The following SIN3A variants were observed in gnomAD, a reference collection of about 807,000 sequenced individuals.
SIN3A encodes the protein paired amphipathic helix protein Sin3a.
A neutral mutation model predicts 146.1 loss-of-function variants in SIN3A; 14 were observed. That is an observed-to-expected ratio of 0.10 (90% CI 0.06 to 0.15). The LOEUF (loss-of-function observed/expected upper bound fraction) is 0.15, where lower values mean the gene tolerates loss of function less well. Among genes scored for constraint, SIN3A ranks in the 10% least tolerant of loss-of-function variants. The pLI is 1.00. For synonymous variants in SIN3A, 572 were observed against 572.0 expected, an observed-to-expected ratio of 1.00 and a Z score of 0.00; for missense variants, 1,028 against 1,576.0, an observed-to-expected ratio of 0.65 and a Z score of 5.89.
At chr15:75,409,290 G>A (rs974700721) in intron 8 of SIN3A, among the ~76,000 whole-genome samples, 1 of 152,120 alleles carries the variant, frequency 6.6e-6, no homozygotes, top group African/African-American at 2.4e-5. Flanking sequence ...TCATTGCAAA[G>A]GAGAGATAAT....
intron 4 of SIN3A, 27 bp from the exon 5 acceptor site, chr15:75,413,072 T>C (rs754656343): frequency 6.3e-7 from 1 of 1,581,258 alleles, no homozygotes; most frequent in Admixed American, 2.0e-5. Flanking sequence ...AGAAAAGTGA[T>C]AAACTGTAAG....
At chr15:75,414,465 C>A (rs1211394678) in intron 3 of SIN3A, among the ~76,000 whole-genome samples, 154 bp from the exon 4 acceptor site, 2 of 151,690 alleles carry the variant, frequency 1.3e-5, no homozygotes, top group Admixed American at 6.6e-5. Context: ...GTATGGATAC[C>A]AATAATAAAC....
rs758256514 is a variant in SIN3A, at chr15:75,380,716, G to A, written c.3296C>T (p.Ser1099Leu). 6.2e-7 allele frequency: 1 copy of A among 1,613,546 alleles called. No individual in the cohort carries two copies. Among genetic ancestry groups the A allele is most frequent in the South Asian group, 1.1e-5 (1 of 91,048 alleles). The change falls in exon 19 of 21, where the codon TCA becomes TTA. Residue 1099 changes from serine to leucine, a missense_variant. This residue lies in a region of SIN3A where 488 missense variants were observed against 690.2 expected (regional missense o/e 0.71). Transcript: ENST00000394947. ...SDDPVEAERW[S>L]DYVERYMNSD... ...ATTCATGTATCGCTCCACGTAGTCT[G>A]ACCAGCGCTAAGATGGCAAACACAA...
At chr15:75,453,956 G>A (rs1454169672), upstream of SIN3A, 5 of 152,276 alleles carry the variant, frequency 3.3e-5, no homozygotes, top group Non-Finnish European at 7.3e-5. Flanking sequence ...AGGACTTCCG[G>A]GCGGGAGGGC....
rs146635471 is a variant in SIN3A at position 75,423,697 on chromosome 15, A to T, written c.190-874T>A. Among the ~76,000 whole-genome samples the T allele has an allele frequency of 8.3e-3, 1,265 of 151,940 alleles. 28 individuals carry two copies. Among genetic ancestry groups the T allele is most frequent in the African/African-American group, 0.029 (1,186 of 41,436 alleles). On this transcript the variant is annotated intron_variant, in intron 2 of 20. Coordinates refer to ENST00000394947, the MANE Select transcript of SIN3A (RefSeq NM_001145358.2). The stretch of plus-strand genomic sequence containing the variant: ...CATCTCAAAAACAAACAAACAAAAA[A>T]ATATATATATAGTTTAGCTGGGAAC...
intron 13 of SIN3A, 138 bp from the exon 14 acceptor site, chr15:75,395,001 G>T: frequency 1.5e-6 from 1 of 681,128 alleles, no homozygotes; most frequent in Non-Finnish European, 2.4e-6. Context: ...AACTTGGGAT[G>T]CTATCAAACC....
At chr15:75,395,611 T>C (rs2073286793) in intron 13 of SIN3A, among the ~76,000 whole-genome samples, 1 of 152,148 alleles carries the variant, frequency 6.6e-6, no homozygotes, top group Non-Finnish European at 1.5e-5. Flanking sequence ...AATAATGACA[T>C]GGGGCTGGGT....
intron 3 of SIN3A, chr15:75,422,361 G>C: frequency 1.7e-6 from 1 of 599,914 alleles, no homozygotes; most frequent in South Asian, 2.1e-5. Context: ...GCCAAAAAAT[G>C]AATTTTAAGG....
At chr15:75,381,086 TA>T (rs11342034) in intron 18 of SIN3A, 53,025 of 111,450 alleles carry the variant, frequency 0.48, 11,912 homozygotes, top group African/African-American at 0.62. Flanking sequence ...TGACATCGCT[TA>T]AAAAAAAAAA....
intron 16 of SIN3A, among the ~76,000 whole-genome samples, chr15:75,387,315 A>G (rs966270439): frequency 5.3e-5 from 8 of 152,182 alleles, no homozygotes; most frequent in East Asian, 1.9e-4. Flanking sequence ...GCTTGAGCCC[A>G]TAAGTTTGAG....
chr15:75,410,051 GA>G lies in SIN3A; in HGVS notation c.1162-61del. On this transcript the variant is annotated intron_variant, in intron 7 of 20. Coordinates refer to ENST00000394947, the MANE Select transcript of SIN3A (RefSeq NM_001145358.2). Reference sequence around the variant, plus strand: ...ATCAAAGCAAACAAATATCATCTAGGAAAAGTCCCCTTCTGAGCACAGTTTT... The same window carrying G: ...ATCAAAGCAAACAAATATCATCTAGGAAAGTCCCCTTCTGAGCACAGTTTT... 3.1e-6 allele frequency: 5 copies of G among 1,605,634 alleles called. No homozygotes were observed. The South Asian group carries it at 3.3e-5, about 11-fold the overall frequency.
chr15:75,421,518 A>ATT (rs1403186861), intron 3 of SIN3A: 1 of 152,216 alleles, frequency 6.6e-6, no homozygotes, highest in East Asian at 1.9e-4. Context: ...TTAGGCCAAT[A>ATT]TTAAACAAGT....
intron 20 of SIN3A, among the ~76,000 whole-genome samples, chr15:75,373,876 G>C (rs1388155192): frequency 1.3e-5 from 2 of 152,176 alleles, no homozygotes; most frequent in Admixed American, 6.5e-5. Context: ...CCATTTTGGG[G>C]GAGTCAAAAA....
chr15:75,439,873 A>C (rs1178065860), intron 1 of SIN3A, among the ~76,000 whole-genome samples: 1 of 151,592 alleles, frequency 6.6e-6, no homozygotes, highest in Non-Finnish European at 1.5e-5. Context: ...AAATAACGCC[A>C]AGTGTGGTGG....
intron 12 of SIN3A, among the ~76,000 whole-genome samples, 178 bp downstream of exon 12, chr15:75,399,862 G>T (rs926813640): frequency 6.6e-6 from 1 of 152,214 alleles, no homozygotes; most frequent in African/African-American, 2.4e-5. Context: ...CATAAAGCAT[G>T]TACTAATATA....
At chr15:75,412,534 AAAAG>A (rs746254070) in intron 5 of SIN3A, among the ~76,000 whole-genome samples, 8 of 152,224 alleles carry the variant, frequency 5.3e-5, no homozygotes, top group Admixed American at 1.3e-4. Context: ...AGAAACTGTA[AAAAG>A]AAAGACCTTG....
intron 1 of SIN3A, among the ~76,000 whole-genome samples, chr15:75,434,673 G>A (rs1421902878): frequency 1.3e-5 from 2 of 149,822 alleles, no homozygotes; most frequent in Non-Finnish European, 1.5e-5. Flanking sequence ...AAAAGGTCAG[G>A]CGCCGTGGCT....
chr15:75,442,726 T>A (rs528071483), intron 1 of SIN3A, among the ~76,000 whole-genome samples: 136 of 150,910 alleles, frequency 9.0e-4, no homozygotes, highest in South Asian at 1.5e-3. Context: ...GGTTGGGAGT[T>A]CAAGACCAGC....
intron 12 of SIN3A, 150 bp downstream of exon 12, chr15:75,399,890 T>A (rs1360803057): frequency 1.6e-6 from 1 of 623,236 alleles, no homozygotes; most frequent in Non-Finnish European, 2.9e-6. Flanking sequence ...GACCAATGCA[T>A]AAAGCATGGA....
Sources: allele counts gnomAD v4.1 joint callset (sites outside exome capture counted in the v4.1 genomes callset), GRCh38; gene constraint gnomAD v4.1.1; regional missense constraint gnomAD v4.1.1; transcripts MANE v1.5; gene names NCBI Gene and HGNC (gene_info 2026-07-23, HGNC 2026-07-21).